SLC9A9: variants seen among roughly 807,000 people sequenced by gnomAD.
The protein encoded by SLC9A9 is sodium/hydrogen exchanger 9.
SLC9A9 carries 62 observed loss-of-function variants against 77.8 expected under a neutral mutation model. The ratio of observed to expected loss-of-function variants is 0.80; its 90% CI spans 0.65 to 0.98. The LOEUF (loss-of-function observed/expected upper bound fraction) is 0.98, where lower values mean the gene tolerates loss of function less well. SLC9A9 is among the 50% of genes least tolerant of loss of function. The pLI is 0.00. For missense variants in SLC9A9, 775 were observed against 774.9 expected, an observed-to-expected ratio of 1.00 and a Z score of 0.00; for synonymous variants, 320 against 283.5, an observed-to-expected ratio of 1.13 and a Z score of -1.29.
intron 12 of SLC9A9, among the ~76,000 whole-genome samples, chr3:143,447,235 C>T (rs6440174): frequency 0.042 from 6,397 of 152,200 alleles, 454 homozygotes; most frequent in African/African-American, 0.15. Flanking sequence ...TTCCATTTCA[C>T]CTTGGTGCCC....
intron 13 of SLC9A9, among the ~76,000 whole-genome samples, chr3:143,376,711 C>G (rs1242496376): frequency 6.6e-6 from 1 of 152,062 alleles, no homozygotes; most frequent in Non-Finnish European, 1.5e-5. Flanking sequence ...AGGGGGAGGA[C>G]ATAATTTTGA....
At chr3:143,401,843 G>T (rs932291563) in intron 12 of SLC9A9, among the ~76,000 whole-genome samples, 1 of 152,140 alleles carries the variant, frequency 6.6e-6, no homozygotes, top group South Asian at 2.1e-4. Context: ...CACTTATGAT[G>T]CCTTAAATCA....
At chr3:143,842,397 A>G (rs1021364938) in intron 1 of SLC9A9, among the ~76,000 whole-genome samples, 12 of 152,110 alleles carry the variant, frequency 7.9e-5, no homozygotes, top group African/African-American at 2.9e-4. Context: ...GCAAACAAAC[A>G]AACAAAAACC....
At chr3:143,416,924 GAA>G (rs1222543666) in intron 12 of SLC9A9, among the ~76,000 whole-genome samples, 1 of 152,176 alleles carries the variant, frequency 6.6e-6, no homozygotes. Flanking sequence ...GAGCTAGACT[GAA>G]AAGAGTCTAA....
At chr3:143,326,670 C>T (rs2031614227) in intron 14 of SLC9A9, among the ~76,000 whole-genome samples, 4 of 152,200 alleles carry the variant, frequency 2.6e-5, no homozygotes, top group African/African-American at 7.2e-5. Context: ...TAATTCCCCA[C>T]TCCATGGCTA....
At chr3:143,774,491 T>C (rs1001100200) in intron 4 of SLC9A9, among the ~76,000 whole-genome samples, 6 of 152,204 alleles carry the variant, frequency 3.9e-5, no homozygotes, top group African/African-American at 1.4e-4. Context: ...CCTTCTGGGC[T>C]TCAGTCTCCT....
At chr3:143,304,170 G>A (rs1197632179) in intron 14 of SLC9A9, among the ~76,000 whole-genome samples, 2 of 152,064 alleles carry the variant, frequency 1.3e-5, no homozygotes, top group Non-Finnish European at 2.9e-5. Context: ...TTCATAATAG[G>A]TCTGCTTATG....
intron 12 of SLC9A9, among the ~76,000 whole-genome samples, chr3:143,418,133 T>C (rs1167111291): frequency 6.6e-6 from 1 of 150,640 alleles, no homozygotes; most frequent in African/African-American, 2.4e-5. Context: ...ACAAAACTAG[T>C]AAGTGATAAT....
chr3:143,807,338 A>T (rs1322427474), intron 2 of SLC9A9, among the ~76,000 whole-genome samples: 2 of 152,204 alleles, frequency 1.3e-5, no homozygotes, highest in African/African-American at 4.8e-5. Flanking sequence ...CAGTCCAAAA[A>T]GTTTTTTTAC....
At position 143,296,235 on chromosome 3, in the gene SLC9A9, T is replaced by C. The variant is rs144201268; in HGVS notation, c.1605-27255A>G. ...TAGCAACTTCCCATTTCTCCCTCCC[T>C]AGCCTCTGGAAACCACTATTCTCTC... is the stretch of plus-strand genomic sequence containing the variant. On this transcript the variant is annotated intron_variant, in intron 14 of 15. Coordinates refer to ENST00000316549, the MANE Select transcript of SLC9A9 (RefSeq NM_173653.4). Among the ~76,000 whole-genome samples the C allele has an allele frequency of 2.2e-3, 337 of 152,310 alleles. 3 individuals carry two copies. Among genetic ancestry groups the C allele is most frequent in the African/African-American group, 7.9e-3 (328 of 41,578 alleles).
intron 9 of SLC9A9, among the ~76,000 whole-genome samples, chr3:143,543,009 C>A (rs1412322719): frequency 6.6e-6 from 1 of 152,202 alleles, no homozygotes; most frequent in Non-Finnish European, 1.5e-5. Context: ...AAGTCACTTA[C>A]CATGTTTTCT....
At chr3:143,626,624 G>A (rs1395631986) in intron 6 of SLC9A9, among the ~76,000 whole-genome samples, 11 of 151,944 alleles carry the variant, frequency 7.2e-5, no homozygotes, top group Admixed American at 6.6e-4. Context: ...TGTGGGGTGG[G>A]GGGATGGGGG....
intron 1 of SLC9A9, among the ~76,000 whole-genome samples, chr3:143,839,468 A>C (rs1214270968): frequency 6.6e-6 from 1 of 151,372 alleles, no homozygotes; most frequent in Non-Finnish European, 1.5e-5. Flanking sequence ...TAATGTCCAC[A>C]ATCCATCCTT....
intron 12 of SLC9A9, among the ~76,000 whole-genome samples, chr3:143,408,827 T>C (rs889714064): frequency 1.3e-5 from 2 of 152,138 alleles, no homozygotes; most frequent in African/African-American, 2.4e-5. Context: ...AAGAGGTATG[T>C]GCAGCTTAAA....
intron 6 of SLC9A9, among the ~76,000 whole-genome samples, chr3:143,649,521 G>C (rs889302079): frequency 6.6e-6 from 1 of 152,152 alleles, no homozygotes; most frequent in Non-Finnish European, 1.5e-5. Context: ...CTGAAATTCA[G>C]AGCACATTTA....
chr3:143,694,170 T>C (rs1378318061), intron 4 of SLC9A9, among the ~76,000 whole-genome samples: 1 of 152,068 alleles, frequency 6.6e-6, no homozygotes, highest in Non-Finnish European at 1.5e-5. Flanking sequence ...CACGTGAACT[T>C]AAAGTTAGTT....
chr3:143,843,492 G>T (rs910450363), intron 1 of SLC9A9, among the ~76,000 whole-genome samples: 6 of 152,180 alleles, frequency 3.9e-5, no homozygotes, highest in Admixed American at 2.6e-4. Flanking sequence ...GCTTTAATAT[G>T]ATATAGTTTA....
chr3:143,554,569 C>A (rs533090875), intron 8 of SLC9A9, among the ~76,000 whole-genome samples: 2 of 152,296 alleles, frequency 1.3e-5, no homozygotes, highest in East Asian at 1.9e-4. Flanking sequence ...GGCCTCCCTG[C>A]CTCCCATGGT....
chr3:143,721,110 T>C (rs934624439), intron 4 of SLC9A9, among the ~76,000 whole-genome samples: 2 of 152,072 alleles, frequency 1.3e-5, no homozygotes, highest in Non-Finnish European at 2.9e-5. Flanking sequence ...CCCAGCTGCT[T>C]GGGAGGCAGA....
Sources: gnomAD v4.1 joint callset for allele counts (sites outside exome capture counted in the v4.1 genomes callset) on GRCh38, gnomAD v4.1.1 for gene constraint, MANE v1.5 for transcripts, NCBI Gene and HGNC (gene_info 2026-07-23, HGNC 2026-07-21) for gene names.